Variants in CSF1R observed in about 807,000 individuals in gnomAD.
The protein encoded by CSF1R is macrophage colony-stimulating factor 1 receptor.
Under a neutral mutation model 110.0 loss-of-function variants are expected in CSF1R, and 40 were observed. That is an observed-to-expected ratio of 0.36 (90% CI 0.28 to 0.47). The LOEUF (loss-of-function observed/expected upper bound fraction) is 0.47, where lower values mean the gene tolerates loss of function less well. Among genes scored for constraint, CSF1R ranks in the 20% least tolerant of loss-of-function variants. The probability of loss-of-function intolerance (pLI) is 0.99; values close to 1 mark genes in which losing one functional copy is unlikely to be tolerated. For missense variants in CSF1R, 1,052 were observed against 1,253.0 expected (o/e 0.84, Z 2.42); for synonymous variants, 523 against 503.4 (o/e 1.04, Z -0.52).
chr5:150,055,378 T>C, intron 18 of CSF1R, 42 bp from the exon 19 acceptor site: 1 of 1,537,680 alleles, frequency 6.5e-7, no homozygotes, highest in South Asian at 1.1e-5. Flanking sequence ...GCCCATTGTC[T>C]TCTCCCCATT....
intron 1 of CSF1R, among the ~76,000 whole-genome samples, chr5:150,084,486 T>C: frequency 6.6e-6 from 1 of 150,674 alleles, no homozygotes; most frequent in African/African-American, 2.4e-5. Flanking sequence ...GGAGTCTTGC[T>C]CTGTCGCCTA....
At chr5:150,082,020 C>G (rs1407543555) in intron 1 of CSF1R, among the ~76,000 whole-genome samples, 1 of 152,226 alleles carries the variant, frequency 6.6e-6, no homozygotes, top group Non-Finnish European at 1.5e-5. Flanking sequence ...GGCTCAGCCC[C>G]CGGTTTCCGC....
chr5:150,056,224 C>T lies in CSF1R; in HGVS notation c.2437G>A (p.Gly813Ser). 1 of 1,614,212 alleles carries T rather than the reference C, an allele frequency of 6.2e-7. No homozygotes were observed. Among genetic ancestry groups the T allele is most frequent in the African/African-American group, 1.3e-5 (1 of 75,064 alleles). ...IMNDSNYIVK[G>S]NARLPVKWMA... ...CAAGCCCTCCCAGCACTTACATTGCCCTTGACAATGTAGTTGGAGTCATTC... is the reference window on the plus strand; with the variant it reads ...CAAGCCCTCCCAGCACTTACATTGCTCTTGACAATGTAGTTGGAGTCATTC... Residue 813 changes from glycine to serine, a missense_variant, in exon 17 of 21, where the codon GGC becomes AGC. By Grantham distance (56) the Gly-to-Ser change is moderately conservative. Around this residue, in one of 5 missense-constraint regions of CSF1R, gnomAD observed 74 missense variants for 187.4 expected, o/e 0.39. Coordinates refer to ENST00000675795, the MANE Select transcript of CSF1R (RefSeq NM_001288705.3).
At chr5:150,090,660 TA>T (rs1383213007), upstream of CSF1R, among the ~76,000 whole-genome samples, 2 of 152,096 alleles carry the variant, frequency 1.3e-5, no homozygotes, top group Admixed American at 1.3e-4. Flanking sequence ...AAATAAATTT[TA>T]AAAAAGAATG....
intron 1 of CSF1R, among the ~76,000 whole-genome samples, chr5:150,110,142 G>A (rs1227943407): frequency 3.3e-5 from 5 of 151,960 alleles, no homozygotes; most frequent in Non-Finnish European, 5.9e-5. Flanking sequence ...CCACCTGTTC[G>A]TATCCACCTT....
At chr5:150,090,579 G>A (rs1759007872), upstream of CSF1R, among the ~76,000 whole-genome samples, 1 of 152,110 alleles carries the variant, frequency 6.6e-6, no homozygotes, top group Admixed American at 6.5e-5. Context: ...GCTAAAGAAT[G>A]TATGTAGAAT....
intron 10 of CSF1R, 120 bp from the exon 11 acceptor site, chr5:150,061,969 G>GCCTT: frequency 8.8e-6 from 12 of 1,369,472 alleles, no homozygotes; most frequent in African/African-American, 1.4e-5. Flanking sequence ...GAGAAGGCAG[G>GCCTT]GCAAGGCCTG....
intron 9 of CSF1R, among the ~76,000 whole-genome samples, 161 bp from the exon 10 acceptor site, chr5:150,068,491 C>G (rs1411431126): frequency 6.6e-6 from 1 of 152,210 alleles, no homozygotes; most frequent in Non-Finnish European, 1.5e-5. Flanking sequence ...CCTGCACACC[C>G]TCCCCGAGAA....
At chr5:150,108,506 G>A (rs1247042815) in intron 1 of CSF1R, among the ~76,000 whole-genome samples, 1 of 152,154 alleles carries the variant, frequency 6.6e-6, no homozygotes. Context: ...CTGGGCCACG[G>A]GGAGCCACTG....
chr5:150,093,603 T>C (rs749558934), intron 1 of CSF1R, among the ~76,000 whole-genome samples: 6 of 152,044 alleles, frequency 3.9e-5, no homozygotes, highest in Non-Finnish European at 4.4e-5. Context: ...GAAGACCAGA[T>C]AGAATGAATA....
intron 1 of CSF1R, among the ~76,000 whole-genome samples, chr5:150,113,052 C>A (rs1759774837): frequency 6.6e-6 from 1 of 152,166 alleles, no homozygotes; most frequent in Non-Finnish European, 1.5e-5. Flanking sequence ...GCACTCTGTC[C>A]CCTGCCCCCA....
intron 1 of CSF1R, among the ~76,000 whole-genome samples, chr5:150,112,277 T>C (rs1256457388): frequency 6.6e-6 from 1 of 152,216 alleles, no homozygotes; most frequent in East Asian, 1.9e-4. Flanking sequence ...TGGTGTCTCA[T>C]CTGTAACATG....
chr5:150,071,360 A>T (rs997660299), intron 6 of CSF1R, among the ~76,000 whole-genome samples: 1 of 152,190 alleles, frequency 6.6e-6, no homozygotes, highest in Non-Finnish European at 1.5e-5. Context: ...TACATTTTTT[A>T]AAAAGTCCCC....
chr5:150,079,907 G>T, intron 3 of CSF1R, 145 bp downstream of exon 3: 1 of 1,018,830 alleles, frequency 9.8e-7, no homozygotes, highest in East Asian at 2.6e-5. Context: ...ATAGATGATC[G>T]TGGAACCATT....
chr5:150,109,680 GC>G (rs1227357957), intron 1 of CSF1R, among the ~76,000 whole-genome samples: 4 of 152,102 alleles, frequency 2.6e-5, no homozygotes, highest in African/African-American at 9.7e-5. Flanking sequence ...TTTCTCAGCC[GC>G]CCAGGGCACT....
chr5:150,108,554 T>C (rs1226627442), intron 1 of CSF1R, among the ~76,000 whole-genome samples: 2 of 152,202 alleles, frequency 1.3e-5, no homozygotes, highest in South Asian at 2.1e-4. Flanking sequence ...ACCATCACTA[T>C]GCTTCAGGAA....
Position 150,111,630 on chromosome 5 carries a change from G to A in CSF1R, c.-181+1631C>T, listed in dbSNP as rs1759720152. On this transcript the variant is annotated intron_variant, in intron 1 of 21. Coordinates refer to the CSF1R transcript ENST00000286301. Reference sequence around the variant, plus strand: ...GCAGGCTTCCCCAGTCCCTAGCTCTGCAAATTTGGGTGGGTGCTTTACCTC... The same window carrying A: ...GCAGGCTTCCCCAGTCCCTAGCTCTACAAATTTGGGTGGGTGCTTTACCTC... 2.0e-5 allele frequency among the ~76,000 whole-genome samples: 3 copies of A among 152,290 alleles called. No individual in the cohort carries two copies. In the South Asian group the frequency reaches 6.2e-4, roughly 32 times the overall value.
Position 150,061,528 on chromosome 5 carries a change from C to A in CSF1R, c.1821G>T (p.Glu607Asp), listed in dbSNP as rs760109569. The A allele has an allele frequency of 6.2e-7, 1 of 1,606,574 alleles. No individual in the cohort carries two copies. Among genetic ancestry groups the A allele is most frequent in the Admixed American group, 1.7e-5 (1 of 59,692 alleles). ...TCACAGCCACCTTCAGGACAGCATC[C>A]TCCTTGCCCAGACCAAAGGCCGTGG... is the stretch of plus-strand genomic sequence containing the variant. ...VEATAFGLGK[E>D]DAVLKVAVKM... Residue 607 changes from glutamate (E) to aspartate (D), a missense_variant, in exon 12 of 21, where the codon GAG (glutamate) becomes GAT (aspartate). Physicochemically the swap from Glu to Asp is conservative, Grantham distance 45 (BLOSUM62 2). Coordinates refer to ENST00000675795, the MANE Select transcript of CSF1R (RefSeq NM_001288705.3).
chr5:150,086,132 C>T (rs1002291050), intron 1 of CSF1R, among the ~76,000 whole-genome samples: 1 of 151,970 alleles, frequency 6.6e-6, no homozygotes, highest in African/African-American at 2.4e-5. Context: ...GAGGCTTGCT[C>T]AGGACACACA....
Sources: allele counts gnomAD v4.1 joint callset (sites outside exome capture counted in the v4.1 genomes callset), GRCh38; gene constraint gnomAD v4.1.1; regional missense constraint gnomAD v4.1.1; transcripts MANE v1.5; gene names NCBI Gene and HGNC (gene_info 2026-07-23, HGNC 2026-07-21).